The following ROBO2 variants were observed in gnomAD, a reference collection of about 807,000 sequenced individuals.
ROBO2 encodes the protein roundabout homolog 2.
In ROBO2, 53 loss-of-function variants were observed where a neutral mutation model predicts 160.8. The ratio of observed to expected loss-of-function variants is 0.33; its 90% CI spans 0.26 to 0.41. The LOEUF is 0.41. Among genes scored for constraint, ROBO2 ranks in the 10% least tolerant of loss-of-function variants. The pLI is 1.00. For missense variants in ROBO2, 1,577 were observed against 1,722.4 expected (o/e 0.92, Z 1.49); for synonymous variants, 664 against 611.7 (o/e 1.09, Z -1.26).
At chr3:77,006,624 A>G (rs1358585877) in intron 2 of ROBO2, among the ~76,000 whole-genome samples, 1 of 152,088 alleles carries the variant, frequency 6.6e-6, no homozygotes. Flanking sequence ...ATACTTTGTA[A>G]ATGATAAAGC....
chr3:76,338,179 A>G (rs956447264), intron 2 of ROBO2, among the ~76,000 whole-genome samples: 1 of 152,168 alleles, frequency 6.6e-6, no homozygotes, highest in Non-Finnish European at 1.5e-5. Flanking sequence ...TAAACTTTAC[A>G]TACCCAACTT....
chr3:77,621,548 T>C (rs1207244210), intron 22 of ROBO2, among the ~76,000 whole-genome samples: 9 of 152,196 alleles, frequency 5.9e-5, no homozygotes, highest in Non-Finnish European at 1.3e-4. Context: ...AACACACTAG[T>C]GTTCCAAACA....
rs1434785072 is a variant in ROBO2, at chr3:76,925,221, A to AT, written c.110-172793_110-172792insT. On this transcript the variant is annotated intron_variant, in intron 2 of 26. Coordinates refer to the ROBO2 transcript ENST00000487694. ...GCGAGACTCCGTCTCAAAAAAAAAAAAAAAAAAAAATCTGGTTTGCTTTTC... is the reference window on the plus strand; with the variant it reads ...GCGAGACTCCGTCTCAAAAAAAAAAATAAAAAAAAAATCTGGTTTGCTTTTC... Among the ~76,000 whole-genome samples, 941 of 146,760 alleles carry AT rather than the reference A, an allele frequency of 6.4e-3. 14 individuals carry two copies. Among genetic ancestry groups the AT allele is most frequent in the African/African-American group, 0.022 (829 of 38,450 alleles).
intron 2 of ROBO2, among the ~76,000 whole-genome samples, chr3:76,815,317 A>G (rs901733475): frequency 1.3e-5 from 2 of 152,048 alleles, no homozygotes; most frequent in Admixed American, 1.3e-4. Flanking sequence ...TGTGGAATTT[A>G]GGTAAGTTAT....
At chr3:76,608,496 G>A (rs1293421446) in intron 2 of ROBO2, among the ~76,000 whole-genome samples, 3 of 152,156 alleles carry the variant, frequency 2.0e-5, no homozygotes, top group African/African-American at 7.2e-5. Context: ...CTTACATCCA[G>A]ACCAGTGGTT....
chr3:76,537,489 A>G (rs76597116), intron 2 of ROBO2, among the ~76,000 whole-genome samples: 3 of 151,640 alleles, frequency 2.0e-5, no homozygotes, highest in African/African-American at 7.3e-5. Context: ...GGAGAGAGAG[A>G]CTGAAGGGTA....
At position 77,130,259 on chromosome 3, in the gene ROBO2, C is replaced by A. The variant is rs564960796; in HGVS notation, c.388+31919C>A. On this transcript the variant is annotated intron_variant, in intron 2 of 25. Transcript: ENST00000461745. ...CTCCTTTGCAAAGCTTCTTGCCTCA[C>A]CACTGCACTGTACGTTCGTTAGCAG... is the stretch of plus-strand genomic sequence containing the variant. Among the ~76,000 whole-genome samples the A allele has an allele frequency of 2.0e-5, 3 of 152,274 alleles. No individual in the cohort carries two copies. In the East Asian group the frequency reaches 5.8e-4, roughly 30 times the overall value.
intron 2 of ROBO2, among the ~76,000 whole-genome samples, chr3:75,958,258 A>T (rs1350022817): frequency 6.6e-6 from 1 of 151,790 alleles, no homozygotes; most frequent in Non-Finnish European, 1.5e-5. Flanking sequence ...CAATATGCTC[A>T]GATAACTTAT....
At chr3:76,424,520 G>C (rs545248710) in intron 2 of ROBO2, among the ~76,000 whole-genome samples, 82 of 152,242 alleles carry the variant, frequency 5.4e-4, no homozygotes, top group African/African-American at 1.8e-3. Context: ...GGAGAAATGG[G>C]AAGTGTTGGT....
intron 2 of ROBO2, among the ~76,000 whole-genome samples, chr3:76,750,348 T>C (rs2108214562): frequency 6.6e-6 from 1 of 152,222 alleles, no homozygotes; most frequent in East Asian, 1.9e-4. Flanking sequence ...TCGTACTGAA[T>C]GGGCAAAAAC....
chr3:77,305,683 G>A (rs944561413), intron 2 of ROBO2, among the ~76,000 whole-genome samples: 8 of 152,242 alleles, frequency 5.3e-5, no homozygotes, highest in Middle Eastern at 3.4e-3. Context: ...GTTCTGCACC[G>A]ATTTTGTCAT....
At chr3:76,449,890 C>T (rs75526822) in intron 2 of ROBO2, among the ~76,000 whole-genome samples, 1 of 152,236 alleles carries the variant, frequency 6.6e-6, no homozygotes, top group Non-Finnish European at 1.5e-5. Context: ...TCCACCTGCT[C>T]ATACTTGCTG....
At chr3:76,567,620 G>GATATATATATATATAT (rs1201854439) in intron 2 of ROBO2, among the ~76,000 whole-genome samples, 153 of 33,012 alleles carry the variant, frequency 4.6e-3, no homozygotes, top group South Asian at 0.011. Flanking sequence ...CCAAACTACT[G>GATATATATATATATAT]ATATATATAT....
At chr3:77,577,346 C>A in intron 14 of ROBO2, 144 bp from the exon 16 acceptor site, 1 of 876,782 alleles carries the variant, frequency 1.1e-6, no homozygotes, top group East Asian at 2.6e-5. Flanking sequence ...CTCAAAAAAA[C>A]TGTCACTGTT....
At chr3:76,620,463 G>A (rs941472101) in intron 2 of ROBO2, among the ~76,000 whole-genome samples, 2 of 152,050 alleles carry the variant, frequency 1.3e-5, no homozygotes, top group African/African-American at 4.8e-5. Flanking sequence ...CATCTAAACC[G>A]CATTCTAGGA....
At chr3:76,992,903 C>G (rs972236314) in intron 2 of ROBO2, among the ~76,000 whole-genome samples, 3 of 152,128 alleles carry the variant, frequency 2.0e-5, no homozygotes, top group African/African-American at 7.2e-5. Flanking sequence ...CTGCAGCCTC[C>G]ACCTGCCGGG....
chr3:76,887,624 A>G (rs1485132655), intron 2 of ROBO2, among the ~76,000 whole-genome samples: 2 of 152,168 alleles, frequency 1.3e-5, no homozygotes, highest in Non-Finnish European at 2.9e-5. Flanking sequence ...ATGTCCTGCT[A>G]AACATAGTTC....
intron 2 of ROBO2, among the ~76,000 whole-genome samples, chr3:77,269,621 G>GTC (rs386397112): frequency 6.6e-6 from 1 of 151,846 alleles, no homozygotes; most frequent in Non-Finnish European, 1.5e-5. Flanking sequence ...AGATGTGTGT[G>GTC]TATCAATATA....
chr3:76,562,966 C>A (rs1317548841), intron 2 of ROBO2, among the ~76,000 whole-genome samples: 2 of 151,934 alleles, frequency 1.3e-5, no homozygotes, highest in Non-Finnish European at 2.9e-5. Context: ...CTTCTTTCTT[C>A]TCCCTTCTTC....
Sources: allele counts gnomAD v4.1 joint callset (sites outside exome capture counted in the v4.1 genomes callset), GRCh38; gene constraint gnomAD v4.1.1; transcripts MANE v1.5; gene names NCBI Gene and HGNC (gene_info 2026-07-23, HGNC 2026-07-21).